ZZEF1: variants seen among roughly 807,000 people sequenced by gnomAD.
ZZEF1 encodes the protein zinc finger ZZ-type and EF-hand domain containing 1, also known as zinc finger ZZ-type and EF-hand domain-containing protein 1.
Under a neutral mutation model 342.8 loss-of-function variants are expected in ZZEF1, and 157 were observed. The observed-to-expected ratio is 0.46, with a 90% confidence interval of 0.40 to 0.52. The LOEUF (loss-of-function observed/expected upper bound fraction) is 0.52, where lower values mean the gene tolerates loss of function less well. Ranked by LOEUF, ZZEF1 falls within the 20% of genes least tolerant of loss-of-function variation. The probability of loss-of-function intolerance (pLI) is 0.00; values close to 1 mark genes in which losing one functional copy is unlikely to be tolerated. For missense variants in ZZEF1, 3,480 were observed against 3,725.6 expected, an observed-to-expected ratio of 0.93 and a Z score of 1.72; for synonymous variants, 1,505 against 1,429.1, an observed-to-expected ratio of 1.05 and a Z score of -1.20.
intron 39 of ZZEF1, among the ~76,000 whole-genome samples, chr17:4,036,338 T>C (rs8071809): frequency 0.25 from 37,759 of 152,092 alleles, 4,895 homozygotes; most frequent in African/African-American, 0.31. Flanking sequence ...ATTCCTATAG[T>C]GTAGACTCCG....
Position 4,052,584 on chromosome 17 carries a change from G to A in ZZEF1, c.5435-448C>T, listed in dbSNP as rs1040212777. On this transcript the variant is annotated intron_variant, in intron 34 of 54. Coordinates refer to ENST00000381638, the MANE Select transcript of ZZEF1 (RefSeq NM_015113.4). The stretch of plus-strand genomic sequence containing the variant: ...AAATAAAAATTAAAAAATTAAAAAA[G>A]GGCCAGGCGTTGTGGCTCATGCCTG... Among the ~76,000 whole-genome samples the A allele has an allele frequency of 5.3e-5, 8 of 152,152 alleles. No homozygotes were observed. In the South Asian group the frequency reaches 1.4e-3, roughly 28 times the overall value.
In ZZEF1 at chr17:4,074,257, C is replaced by T. The variant is rs750248910; in HGVS notation, c.3578G>A (p.Cys1193Tyr). 1.9e-6 allele frequency: 3 copies of T among 1,614,188 alleles called. No homozygotes were observed. The Admixed American group carries it at 5.0e-5, about 27-fold the overall frequency. ...EWGYKFTVTACGLPDVAVSWG... is the reference protein window; with the variant it reads ...EWGYKFTVTAYGLPDVAVSWG... ...AGACACGGCAACATCGGGCAGCCCACAGGCAGTGACAGTGAATTTGTAGCC... is the reference window on the plus strand; with the variant it reads ...AGACACGGCAACATCGGGCAGCCCATAGGCAGTGACAGTGAATTTGTAGCC... The change falls in exon 24 of 55, where the codon TGT (cysteine) becomes TAT (tyrosine). Residue 1193 changes from cysteine (C) to tyrosine (Y), a missense_variant. Coordinates refer to ENST00000381638, the MANE Select transcript of ZZEF1 (RefSeq NM_015113.4).
intron 30 of ZZEF1, among the ~76,000 whole-genome samples, chr17:4,061,172 C>T (rs1049529946): frequency 1.3e-5 from 2 of 152,234 alleles, no homozygotes; most frequent in Admixed American, 6.5e-5. Context: ...CTCTTTCGAA[C>T]TCTCACATTA....
intron 7 of ZZEF1, 78 bp from the exon 8 acceptor site, chr17:4,104,889 T>TC: frequency 7.9e-7 from 1 of 1,261,718 alleles, no homozygotes; most frequent in Non-Finnish European, 1.1e-6. Context: ...ATGTAAGTGA[T>TC]CAACACAAGT....
At position 4,064,697 on chromosome 17, in the gene ZZEF1, C is replaced by T. The variant is rs140998998; in HGVS notation, c.4382G>A (p.Arg1461Lys). 1 of 1,614,068 alleles carries T rather than the reference C, an allele frequency of 6.2e-7. No individual in the cohort carries two copies. Among genetic ancestry groups the T allele is most frequent in the East Asian group, 2.2e-5 (1 of 44,904 alleles). ...ATGCTCTTCCACCACAGAGCTTGTC[C>T]TCTGACGCTTGTTGAGTGGCTGGAG... ...SHLQPLNKRQ[R>K]TSSVVEEHFQ... The change falls in exon 29 of 55, where the codon AGG becomes AAG. Residue 1461 changes from arginine (R) to lysine (K), a missense_variant. Arg to Lys is a conservative substitution (Grantham distance 26). Around this residue, in one of 5 missense-constraint regions of ZZEF1, gnomAD observed 1,528 missense variants for 1,624.1 expected, o/e 0.94. Coordinates refer to ENST00000381638, the MANE Select transcript of ZZEF1 (RefSeq NM_015113.4).
intron 3 of ZZEF1, among the ~76,000 whole-genome samples, 183 bp from the exon 4 acceptor site, chr17:4,114,653 T>C (rs2058365866): frequency 6.6e-6 from 1 of 152,216 alleles, no homozygotes; most frequent in African/African-American, 2.4e-5. Flanking sequence ...TTCACGCACA[T>C]GTGTCAAATA....
At chr17:4,024,057 T>C (rs1188424741) in intron 43 of ZZEF1, among the ~76,000 whole-genome samples, 2 of 152,130 alleles carry the variant, frequency 1.3e-5, no homozygotes, top group East Asian at 3.9e-4. Flanking sequence ...ATATCCTCTG[T>C]TGGGAAGATT....
chr17:4,024,656 T>G (rs1379153061), intron 43 of ZZEF1, among the ~76,000 whole-genome samples: 1 of 152,194 alleles, frequency 6.6e-6, no homozygotes, highest in Non-Finnish European at 1.5e-5. Flanking sequence ...CTTTTCAATT[T>G]TTCTTCTCGT....
chr17:4,054,240 T>C, intron 33 of ZZEF1, 45 bp from the exon 34 acceptor site: 2 of 1,585,106 alleles, frequency 1.3e-6, no homozygotes, highest in South Asian at 1.2e-5. Context: ...TTTTCTAAGG[T>C]GGCCACAATT....
rs759235157 is a variant in ZZEF1 at position 4,008,893 on chromosome 17, C to T, written c.8795G>A (p.Cys2932Tyr). 9 of 1,547,028 alleles carry T rather than the reference C, an allele frequency of 5.8e-6. No homozygotes were observed. The highest frequency in any genetic ancestry group is 1.9e-5 in the Admixed American group (1 of 51,332). The change falls in exon 54 of 55, where the codon TGT (cysteine) becomes TAT (tyrosine). Residue 2932 changes from cysteine (C) to tyrosine (Y), a missense_variant. Around this residue, in one of 5 missense-constraint regions of ZZEF1, gnomAD observed 1,269 missense variants for 1,342.4 expected, o/e 0.95. Coordinates refer to ENST00000381638, the MANE Select transcript of ZZEF1 (RefSeq NM_015113.4). This position sits in a 1 kb window ranked among gnomAD's most constrained non-coding sequence, Gnocchi z 4.2. ...ALTTDDHLLR[C>Y]AAQALQNIAA... ...GGGTGGAGAGAGTACCTGTGCCGCACAGCGGAGAAGGTGGTCGTCCGTGGT... is the reference window on the plus strand; with the variant it reads ...GGGTGGAGAGAGTACCTGTGCCGCATAGCGGAGAAGGTGGTCGTCCGTGGT...
chr17:4,096,661 A>G lies in ZZEF1; in HGVS notation c.1712T>C (p.Ile571Thr). 6.2e-7 allele frequency: 1 copy of G among 1,614,136 alleles called. No homozygotes were observed. The highest frequency in any genetic ancestry group is 8.5e-7 in the Non-Finnish European group (1 of 1,180,014). The part of the protein sequence containing the change: ...TETGKTRAST[I>T]FSTGTESAFQ... ...GGCAGATTCAGTTCCGGTAGAAAAA[A>G]TAGTGCTGGCTCTGGTTTTTCCAGT... Residue 571 changes from isoleucine to threonine, a missense_variant, in exon 10 of 55, where the codon ATT (isoleucine) becomes ACT (threonine). Coordinates refer to ENST00000381638, the MANE Select transcript of ZZEF1 (RefSeq NM_015113.4).
intron 33 of ZZEF1, among the ~76,000 whole-genome samples, chr17:4,055,226 C>A (rs2057132141): frequency 1.3e-5 from 2 of 152,160 alleles, no homozygotes; most frequent in African/African-American, 4.8e-5. Context: ...TGCCAAGTCA[C>A]CTTACAACTA....
In ZZEF1 at chr17:4,075,088, A is replaced by G. The variant is rs1365579774; in HGVS notation, c.3483+9T>C. On this transcript the variant is annotated intron_variant, in intron 23 of 54. Coordinates refer to ENST00000381638, the MANE Select transcript of ZZEF1 (RefSeq NM_015113.4). ...GAAGTAGGTACCTCTTTCTGGGACT[A>G]TCACTCACCTTGGGCCATTTATCAG... 1 of 1,613,918 alleles carries G rather than the reference A, an allele frequency of 6.2e-7. No individual in the cohort carries two copies. The highest frequency in any genetic ancestry group is 1.3e-5 in the African/African-American group (1 of 74,912).
At position 4,064,359 on chromosome 17, in the gene ZZEF1, A is replaced by T; in HGVS notation, c.4718+2T>A. ...GCGACAGGAAGGTAACAACGGGCTTACCTCCTGTGCGAGAGCGACTGATCC... is the reference window on the plus strand; with the variant it reads ...GCGACAGGAAGGTAACAACGGGCTTTCCTCCTGTGCGAGAGCGACTGATCC... On this transcript the variant is annotated splice_donor_variant, in intron 29 of 54. Transcript: ENST00000381638. LOFTEE classifies it high-confidence loss of function. 6.4e-7 allele frequency: 1 copy of T among 1,573,224 alleles called. No homozygotes were observed. Among genetic ancestry groups the T allele is most frequent in the Non-Finnish European group, 8.7e-7 (1 of 1,153,894 alleles).
chr17:4,114,233 A>G, intron 4 of ZZEF1, 66 bp downstream of exon 4: 1 of 1,287,064 alleles, frequency 7.8e-7, no homozygotes, highest in East Asian at 2.6e-5. Context: ...AAATACAAAG[A>G]GTAGGCAGTT....
chr17:4,059,218 A>T lies in ZZEF1; in HGVS notation c.4956T>A (p.Val1652=), dbSNP rs1340144068. Residue 1652 remains valine, a synonymous_variant, in exon 31 of 55, where the codon GTT becomes GTA. Coordinates refer to ENST00000381638, the MANE Select transcript of ZZEF1 (RefSeq NM_015113.4). ...CTTTAACTGCTTTGACCAAAAACAGAACAAGTTGATAGTAAGTGTCTCGAA... is the reference window on the plus strand; with the variant it reads ...CTTTAACTGCTTTGACCAAAAACAGTACAAGTTGATAGTAAGTGTCTCGAA... ...KEIRDTYYQL[V]LFLVKAVKGF... 1 of 1,608,882 alleles carries T rather than the reference A, an allele frequency of 6.2e-7. No homozygotes were observed.
chr17:4,079,500 A>G (rs2057683410), intron 18 of ZZEF1, among the ~76,000 whole-genome samples: 2 of 152,250 alleles, frequency 1.3e-5, no homozygotes, highest in Non-Finnish European at 2.9e-5. Flanking sequence ...GAGTTTTTTA[A>G]GGAAGACTCA....
chr17:4,022,908 T>C, intron 43 of ZZEF1, 80 bp from the exon 44 acceptor site: 1 of 1,539,866 alleles, frequency 6.5e-7, no homozygotes, highest in East Asian at 2.3e-5. Flanking sequence ...AGTCTGTTCA[T>C]TCACTCTTTC....
chr17:4,078,190 A>C (rs2057659147), intron 18 of ZZEF1, 148 bp from the exon 19 acceptor site: 11 of 778,918 alleles, frequency 1.4e-5, no homozygotes, highest in Non-Finnish European at 1.3e-5. Context: ...CCCAGCAGTC[A>C]CCAAGAAAGA....
Sources: gnomAD v4.1 joint callset for allele counts (sites outside exome capture counted in the v4.1 genomes callset) on GRCh38, gnomAD v4.1.1 for gene constraint, gnomAD v4.1.1 regional missense constraint, Gnocchi (gnomAD v3.1) non-coding constraint, MANE v1.5 for transcripts, NCBI Gene and HGNC (gene_info 2026-07-23, HGNC 2026-07-21) for gene names.